Variants in DNAAF2 observed in about 807,000 individuals in gnomAD.
The protein encoded by DNAAF2 is dynein axonemal assembly factor 2, also known as protein kintoun.
In DNAAF2, 58 loss-of-function variants were observed where a neutral mutation model predicts 48.8. The observed-to-expected ratio is 1.19, with a 90% CI of 0.96 to 1.48. The LOEUF (loss-of-function observed/expected upper bound fraction) is 1.48. Ranked by LOEUF, DNAAF2 falls within the 40% of genes most tolerant of loss-of-function variation. The pLI, the probability that DNAAF2 is intolerant of heterozygous loss-of-function variation, is 0.00. For missense variants in DNAAF2, 1,241 were observed against 1,116.1 expected (o/e 1.11, Z -1.59); for synonymous variants, 567 against 481.2 (o/e 1.18, Z -2.33).
In DNAAF2 at chr14:49,630,669, C is replaced by CCACACACACACACACACACACACA. The variant is rs71441237; in HGVS notation, c.1864-2538_1864-2515dup. Among the ~76,000 whole-genome samples, 305 of 132,546 alleles carry CCACACACACACACACACACACACA rather than the reference C, an allele frequency of 2.3e-3. 3 individuals carry two copies. The highest frequency in any genetic ancestry group is 3.5e-3 in the Non-Finnish European group (218 of 62,990). 87.0% of individuals were successfully genotyped at this position (132,546 alleles called of 152,430 possible). On this transcript the variant is annotated intron_variant, in intron 1 of 2. Transcript: ENST00000298292. Reference sequence around the variant, plus strand: ...ATTTTGGCCCAAATAAACTCTCTCTCCACACACACACACACACACACACAC... The same window carrying CCACACACACACACACACACACACA: ...ATTTTGGCCCAAATAAACTCTCTCTCCACACACACACACACACACACACACACACACACACACACACACACACAC...
chr14:49,628,559 A>C (rs1883071059), intron 1 of DNAAF2, among the ~76,000 whole-genome samples: 1 of 152,020 alleles, frequency 6.6e-6, no homozygotes, highest in Admixed American at 6.6e-5. Flanking sequence ...GGTTCAAGCA[A>C]TTCTCCTGCC....
chr14:49,634,068 A>G lies in DNAAF2; in HGVS notation c.1082T>C (p.Val361Ala), dbSNP rs534835848. ...GGACTCTTCCGGCGCGGCGGCGGCG[A>G]CGGCGACAGCGGGCTCCCGGCGCGC... ...PAARREPAVA[V>A]AAAAPEESAD... The change falls in exon 1 of 3, where the codon GTC becomes GCC. Residue 361 changes from valine (V) to alanine (A), a missense_variant. Coordinates refer to ENST00000298292, the MANE Select transcript of DNAAF2 (RefSeq NM_018139.3). 2 of 1,528,490 alleles carry G rather than the reference A, an allele frequency of 1.3e-6. No individual in the cohort carries two copies. Among genetic ancestry groups the G allele is most frequent in the Admixed American group, 2.1e-5 (1 of 48,066 alleles). The allele number at this position is 1,528,490 out of a possible 1,614,324, so 94.7% of individuals were successfully genotyped here.
chr14:49,627,346 A>G (rs1156328897), intron 2 of DNAAF2, among the ~76,000 whole-genome samples: 2 of 152,194 alleles, frequency 1.3e-5, no homozygotes, highest in African/African-American at 4.8e-5. Context: ...AAGACTATAA[A>G]AATGACCAAA....
chr14:49,628,378 C>A (rs1452372087), intron 1 of DNAAF2, among the ~76,000 whole-genome samples: 1 of 152,134 alleles, frequency 6.6e-6, no homozygotes, highest in Non-Finnish European at 1.5e-5. Flanking sequence ...AGAAAAAGAA[C>A]CTAAAAGAAA....
chr14:49,632,104 T>C (rs1883178875), intron 1 of DNAAF2, among the ~76,000 whole-genome samples: 1 of 152,262 alleles, frequency 6.6e-6, no homozygotes. Context: ...AAATGTATTA[T>C]TGAATATTTT....
chr14:49,631,049 A>G (rs1009995370), intron 1 of DNAAF2, among the ~76,000 whole-genome samples: 1 of 152,128 alleles, frequency 6.6e-6, no homozygotes, highest in African/African-American at 2.4e-5. Context: ...ACGCCTGGCT[A>G]CGTATTTTTC....
chr14:49,631,192 A>G lies in DNAAF2; in HGVS notation c.1863+2095T>C, dbSNP rs115600703. On this transcript the variant is annotated intron_variant, in intron 1 of 2. Coordinates refer to ENST00000298292, the MANE Select transcript of DNAAF2 (RefSeq NM_018139.3). ...TCCAGAATAACACAGTGTTACAGAA[A>G]CATCCCCATCGAAAGCATTTCTAAG... Among the ~76,000 whole-genome samples the G allele has an allele frequency of 9.5e-3, 1,450 of 152,336 alleles. 20 individuals carry two copies. Among genetic ancestry groups the G allele is most frequent in the African/African-American group, 0.033 (1,380 of 41,568 alleles).
intron 2 of DNAAF2, 105 bp from the exon 3 acceptor site, chr14:49,626,153 C>T (rs2139571961): frequency 2.2e-6 from 2 of 900,114 alleles, no homozygotes; most frequent in South Asian, 3.5e-5. Flanking sequence ...GGTAATAGCC[C>T]TTACAGACCT....
rs781675602 is a variant in DNAAF2, at chr14:49,634,578, T to G, written c.572A>C (p.Lys191Thr). ...CGCAGCCTCTGGGGTCCCCTTATAC[T>G]TGGCCTTCAGGGTCTTGGCATTCCT... Reference protein sequence around the residue: ...DRRNAKTLKAKYKGTPEAAVL... With the variant: ...DRRNAKTLKATYKGTPEAAVL... The change falls in exon 1 of 3, where the codon AAG becomes ACG. Residue 191 changes from lysine to threonine, a missense_variant. Physicochemically the swap from Lys to Thr is moderately conservative, Grantham distance 78 (BLOSUM62 -1). Transcript: ENST00000298292. 2 of 1,605,614 alleles carry G rather than the reference T, an allele frequency of 1.2e-6. No homozygotes were observed. The highest frequency in any genetic ancestry group is 1.7e-6 in the Non-Finnish European group (2 of 1,179,716).
chr14:49,634,450 G>C lies in DNAAF2; in HGVS notation c.700C>G (p.Pro234Ala). 6.4e-7 allele frequency: 1 copy of C among 1,558,820 alleles called. No individual in the cohort carries two copies. The highest frequency in any genetic ancestry group is 8.7e-7 in the Non-Finnish European group (1 of 1,155,692). The stretch of plus-strand genomic sequence containing the variant: ...GGAGGGGAGGGCGCCCGGGGCCCGG[G>C]GGCTGCCGGGTACTGGTAAGGGTAG... ...FPYPYQYPAA[P>A]GPRAPSPPEA... is the part of the protein sequence containing the mutation. Residue 234 changes from proline (P) to alanine (A), a missense_variant, in exon 1 of 3, where the codon CCC becomes GCC. Pro to Ala is a conservative substitution (Grantham distance 27). Coordinates refer to ENST00000298292, the MANE Select transcript of DNAAF2 (RefSeq NM_018139.3).
At chr14:49,627,891 A>G in intron 2 of DNAAF2, 121 bp downstream of exon 2, 1 of 1,069,606 alleles carries the variant, frequency 9.3e-7, no homozygotes, top group Non-Finnish European at 1.3e-6. Flanking sequence ...TTCTCTTAAC[A>G]TCACTCTGCC....
In DNAAF2 at chr14:49,634,857, A is replaced by T; in HGVS notation, c.293T>A (p.Val98Glu). The T allele has an allele frequency of 6.5e-7, 1 of 1,546,978 alleles. No homozygotes were observed. Among genetic ancestry groups the T allele is most frequent in the Admixed American group, 2.0e-5 (1 of 50,918 alleles). ...GCCGGGCCGGCTGCTGGGCGCGCCC[A>T]CCAACGCGTTGCTGCAGACATTCAC... is the stretch of plus-strand genomic sequence containing the variant. ...CFVNVCSNAL[V>E]GAPSSRPGSG... The change falls in exon 1 of 3, where the codon GTG becomes GAG. Residue 98 changes from valine to glutamate, a missense_variant. By Grantham distance (121) the Val-to-Glu change is moderately radical. Coordinates refer to ENST00000298292, the MANE Select transcript of DNAAF2 (RefSeq NM_018139.3).
chr14:49,626,286 G>C (rs990904874), intron 2 of DNAAF2, among the ~76,000 whole-genome samples: 2 of 152,022 alleles, frequency 1.3e-5, no homozygotes, highest in East Asian at 1.9e-4. Context: ...TCAGGAGTTC[G>C]AGACCAGCTT....
At chr14:49,630,631 G>C (rs1883126060) in intron 1 of DNAAF2, among the ~76,000 whole-genome samples, 1 of 141,934 alleles carries the variant, frequency 7.0e-6, no homozygotes, top group South Asian at 2.2e-4. Context: ...TGTTTCCCAG[G>C]TTGCAGTCCT....
intron 2 of DNAAF2, among the ~76,000 whole-genome samples, 179 bp from the exon 3 acceptor site, chr14:49,626,227 C>G (rs1883002973): frequency 6.6e-6 from 1 of 152,194 alleles, no homozygotes; most frequent in Non-Finnish European, 1.5e-5. Flanking sequence ...GTGGCTCATG[C>G]CTGTAATCCC....
chr14:49,627,810 G>A (rs535425159), intron 2 of DNAAF2, among the ~76,000 whole-genome samples: 8 of 150,778 alleles, frequency 5.3e-5, no homozygotes, highest in South Asian at 4.2e-4. Context: ...AGATGAGATC[G>A]CGCTACTGCA....
rs1883218113 is a variant in DNAAF2 at position 49,633,427 on chromosome 14, C to G, written c.1723G>C (p.Ala575Pro). 2 of 1,613,904 alleles carry G rather than the reference C, an allele frequency of 1.2e-6. No individual in the cohort carries two copies. The highest frequency in any genetic ancestry group is 2.7e-5 in the African/African-American group (2 of 74,938). Residue 575 changes from alanine (A) to proline (P), a missense_variant, in exon 1 of 3, where the codon GCT becomes CCT. By Grantham distance (27) the Ala-to-Pro change is conservative. Coordinates refer to ENST00000298292, the MANE Select transcript of DNAAF2 (RefSeq NM_018139.3). ...DLVYSFFLQF[A>P]PENKLSTTEP... ...GTGGTACTCAATTTATTCTCTGGAG[C>G]AAATTGCAAAAAGAAGGAATAAACT...
At position 49,635,088 on chromosome 14, in the gene DNAAF2, T is replaced by C; in HGVS notation, c.62A>G (p.Gln21Arg). The C allele has an allele frequency of 6.3e-7, 1 of 1,583,136 alleles. No homozygotes were observed. The highest frequency in any genetic ancestry group is 8.6e-7 in the Non-Finnish European group (1 of 1,165,620). ...EDLDLSGEEV[Q>R]RLTSAFQDPE... Reference sequence around the variant, plus strand: ...GTCCTGGAAGGCGGAGGTGAGCCGCTGGACCTCCTCTCCGCTCAGGTCCAA... The same window carrying C: ...GTCCTGGAAGGCGGAGGTGAGCCGCCGGACCTCCTCTCCGCTCAGGTCCAA... Residue 21 changes from glutamine to arginine, a missense_variant, in exon 1 of 3, where the codon CAG becomes CGG. Coordinates refer to ENST00000298292, the MANE Select transcript of DNAAF2 (RefSeq NM_018139.3).
intron 1 of DNAAF2, among the ~76,000 whole-genome samples, chr14:49,631,518 G>A (rs1235006262): frequency 2.0e-5 from 3 of 152,106 alleles, no homozygotes; most frequent in East Asian, 1.9e-4. Context: ...CCAGCTACTC[G>A]GGAGGCTGAG....
Sources: allele counts gnomAD v4.1 joint callset (sites outside exome capture counted in the v4.1 genomes callset), GRCh38; gene constraint gnomAD v4.1.1; transcripts MANE v1.5; gene names NCBI Gene and HGNC (gene_info 2026-07-23, HGNC 2026-07-21).